Variants in INTS5 observed in about 807,000 individuals in gnomAD.
The protein encoded by INTS5 is KIAA1698.
A neutral mutation model predicts 60.0 loss-of-function variants in INTS5; 29 were observed. The ratio of observed to expected loss-of-function variants is 0.48; its 90% CI spans 0.36 to 0.66. The LOEUF is 0.66. Ranked by LOEUF, INTS5 falls within the 30% of genes least tolerant of loss-of-function variation. INTS5 has a pLI of 0.00. For synonymous variants in INTS5, 588 were observed against 558.8 expected, an observed-to-expected ratio of 1.05 and a Z score of -0.74; for missense variants, 1,129 against 1,307.9, an observed-to-expected ratio of 0.86 and a Z score of 2.11.
At chr11:62,652,087 A>C (rs1417793125) in intron 1 of INTS5, among the ~76,000 whole-genome samples, 1 of 151,422 alleles carries the variant, frequency 6.6e-6, no homozygotes, top group Non-Finnish European at 1.5e-5. Flanking sequence ...TGGGAGGCCA[A>C]GGAGGGTGGA....
Position 62,649,100 on chromosome 11 carries a change from C to T in INTS5, c.980G>A (p.Gly327Asp). The T allele has an allele frequency of 6.2e-7, 1 of 1,610,406 alleles. No homozygotes were observed. Among genetic ancestry groups the T allele is most frequent in the Non-Finnish European group, 8.5e-7 (1 of 1,177,104 alleles). ...FHDSLAGGSG[G>D]RSGDPSLQAT... is the part of the protein sequence containing the mutation. ...CTGAAGGGAGGGGTCCCCACTGCGG[C>T]CTCCAGATCCCCCTGCCAGGCTATC... The change falls in exon 2 of 2, where the codon GGC (glycine) becomes GAC (aspartate). Residue 327 changes from glycine (G) to aspartate (D), a missense_variant. Coordinates refer to ENST00000330574, the MANE Select transcript of INTS5 (RefSeq NM_030628.2). The surrounding 1 kb of genome is among the most constrained non-coding windows in gnomAD (Gnocchi z 6.0).
rs1447854338 is a variant in INTS5 at position 62,647,182 on chromosome 11, C to T, written c.2898G>A (p.Arg966=). Residue 966 remains arginine (R), a synonymous_variant, in exon 2 of 2, where the codon CGG becomes CGA. Coordinates refer to ENST00000330574, the MANE Select transcript of INTS5 (RefSeq NM_030628.2). ...TGGAGAAGTCCCGAATGAAGCGACC[C>T]CGCTCTGATTGGAAGATGAACTTCT... ...LPQKFIFQSE[R]GRFIRDFSRE... is the part of the protein sequence containing the mutation. 6.2e-7 allele frequency: 1 copy of T among 1,614,220 alleles called. No individual in the cohort carries two copies. The highest frequency in any genetic ancestry group is 1.7e-5 in the Admixed American group (1 of 60,020).
At position 62,649,342 on chromosome 11, in the gene INTS5, G is replaced by T. The variant is rs777361799; in HGVS notation, c.738C>A (p.Gly246=). ...GTIISRVLSC[G]LKDFCVHGGA... is the part of the protein sequence containing the mutation. ...CACCATGGACACAAAAGTCCTTAAG[G>T]CCACAGGAGAGAACCCGGGAAATGA... The change falls in exon 2 of 2, where the codon GGC becomes GGA. Residue 246 remains glycine (G), a synonymous_variant. Coordinates refer to ENST00000330574, the MANE Select transcript of INTS5 (RefSeq NM_030628.2). The surrounding 1 kb of genome is among the most constrained non-coding windows in gnomAD (Gnocchi z 6.0). 2 of 1,614,128 alleles carry T rather than the reference G, an allele frequency of 1.2e-6. No individual in the cohort carries two copies. Among genetic ancestry groups the T allele is most frequent in the South Asian group, 1.1e-5 (1 of 91,082 alleles).
chr11:62,648,900 G>A lies in INTS5; in HGVS notation c.1180C>T (p.Leu394=). Residue 394 remains leucine, a synonymous_variant, in exon 2 of 2, where the codon CTG becomes TTG. Transcript: ENST00000330574. This position sits in a 1 kb window ranked among gnomAD's most constrained non-coding sequence, Gnocchi z 4.4. The part of the protein sequence containing the change: ...LDNMLNLAVH[L]VSQASGAGAY... ...CCTGCCCCAGAGGCCTGGCTCACCA[G>A]GTGCACAGCCAGGTTCAACATGTTG... 1 of 1,613,702 alleles carries A rather than the reference G, an allele frequency of 6.2e-7. No individual in the cohort carries two copies. The highest frequency in any genetic ancestry group is 8.5e-7 in the Non-Finnish European group (1 of 1,179,888).
intron 1 of INTS5, among the ~76,000 whole-genome samples, chr11:62,650,266 G>A (rs1289781353): frequency 9.2e-5 from 14 of 151,674 alleles, no homozygotes; most frequent in African/African-American, 3.4e-4. Flanking sequence ...ACAGGCACCC[G>A]CCACCATGCC....
rs1944525162 is a variant in INTS5, at chr11:62,647,179, A to T, written c.2901T>A (p.Gly967=). The change falls in exon 2 of 2, where the codon GGT becomes GGA. Residue 967 remains glycine (G), a synonymous_variant. Coordinates refer to ENST00000330574, the MANE Select transcript of INTS5 (RefSeq NM_030628.2). ...PQKFIFQSER[G]RFIRDFSREG... is the part of the protein sequence containing the mutation. ...CCCTGGAGAAGTCCCGAATGAAGCG[A>T]CCCCGCTCTGATTGGAAGATGAACT... 1.2e-6 allele frequency: 2 copies of T among 1,613,748 alleles called. No individual in the cohort carries two copies. Among genetic ancestry groups the T allele is most frequent in the Admixed American group, 1.7e-5 (1 of 59,960 alleles).
intron 1 of INTS5, among the ~76,000 whole-genome samples, chr11:62,652,920 T>C (rs555588882): frequency 1.3e-5 from 2 of 152,254 alleles, no homozygotes; most frequent in African/African-American, 2.4e-5. Flanking sequence ...CCCCCGACTC[T>C]TGGGAGAGGA....
Position 62,649,676 on chromosome 11 carries a change from G to A in INTS5, c.404C>T (p.Ala135Val). 6.2e-7 allele frequency: 1 copy of A among 1,614,194 alleles called. No homozygotes were observed. The highest frequency in any genetic ancestry group is 8.5e-7 in the Non-Finnish European group (1 of 1,180,036). The change falls in exon 2 of 2, where the codon GCC (alanine) becomes GTC (valine). Residue 135 changes from alanine to valine, a missense_variant. By Grantham distance (64) the Ala-to-Val change is moderately conservative. Transcript: ENST00000330574. This position sits in a 1 kb window ranked among gnomAD's most constrained non-coding sequence, Gnocchi z 6.0. Reference protein sequence around the residue: ...VQQVLSEFIRANPKAWAPVIS... With the variant: ...VQQVLSEFIRVNPKAWAPVIS... ...CACAGGTGCCCAGGCCTTTGGGTTG[G>A]CCCGGATAAACTCAGACAGCACCTG... is the stretch of plus-strand genomic sequence containing the variant.
At chr11:62,651,141 C>T (rs971891736) in intron 1 of INTS5, among the ~76,000 whole-genome samples, 1 of 151,970 alleles carries the variant, frequency 6.6e-6, no homozygotes, top group South Asian at 2.1e-4. Flanking sequence ...GAGGGAGTCT[C>T]GCTCTGCCGC....
chr11:62,647,462 T>C lies in INTS5; in HGVS notation c.2618A>G (p.Tyr873Cys). The stretch of plus-strand genomic sequence containing the variant: ...CAGCCCCCGAAGCAGCACGGAACAG[T>C]AGCACAGGGCTGGGGGTGCAGCTGC... ...LVAAAPPALCYCSVLLRGLLA... is the reference protein window; with the variant it reads ...LVAAAPPALCCCSVLLRGLLA... The change falls in exon 2 of 2, where the codon TAC (tyrosine) becomes TGC (cysteine). Residue 873 changes from tyrosine (Y) to cysteine (C), a missense_variant. By Grantham distance (194) the Tyr-to-Cys change is radical (BLOSUM62 -2). Around this residue, in one of 3 missense-constraint regions of INTS5, gnomAD observed 1,070 missense variants for 1,246.1 expected, o/e 0.86. Transcript: ENST00000330574. 2 of 1,606,324 alleles carry C rather than the reference T, an allele frequency of 1.2e-6. No individual in the cohort carries two copies. The highest frequency in any genetic ancestry group is 1.7e-6 in the Non-Finnish European group (2 of 1,175,202).
Position 62,647,293 on chromosome 11 carries a change from T to G in INTS5, c.2787A>C (p.Glu929Asp). Residue 929 changes from glutamate to aspartate, a missense_variant, in exon 2 of 2, where the codon GAA becomes GAC. Coordinates refer to ENST00000330574, the MANE Select transcript of INTS5 (RefSeq NM_030628.2). ...CGAAAGGTGCCAGTTGGCTAAATAC[T>G]TCATGCATATTACCCAGGGCCGGAG... ...LLPPALGNMH[E>D]VFSQLAPFEV... The G allele has an allele frequency of 6.2e-7, 1 of 1,614,202 alleles. No homozygotes were observed. The highest frequency in any genetic ancestry group is 8.5e-7 in the Non-Finnish European group (1 of 1,180,048).
In INTS5 at chr11:62,647,900, G is replaced by T. The variant is rs1454678636; in HGVS notation, c.2180C>A (p.Ser727Tyr). 1.2e-6 allele frequency: 2 copies of T among 1,614,118 alleles called. No homozygotes were observed. Among genetic ancestry groups the T allele is most frequent in the Non-Finnish European group, 1.7e-6 (2 of 1,180,046 alleles). Reference protein sequence around the residue: ...SVVSASLASASLLDTNRRHTA... With the variant: ...SVVSASLASAYLLDTNRRHTA... ...GTGCCTCCGGTTAGTGTCCAACAGGGAGGCAGAAGCCAAAGAAGCTGAAAC... is the reference window on the plus strand; with the variant it reads ...GTGCCTCCGGTTAGTGTCCAACAGGTAGGCAGAAGCCAAAGAAGCTGAAAC... Residue 727 changes from serine (S) to tyrosine (Y), a missense_variant, in exon 2 of 2, where the codon TCC becomes TAC. This residue lies in a region of INTS5 where 1,070 missense variants were observed against 1,246.1 expected (regional missense o/e 0.86). Transcript: ENST00000330574.
chr11:62,652,124 A>G (rs1286590365), intron 1 of INTS5, among the ~76,000 whole-genome samples: 1 of 150,132 alleles, frequency 6.7e-6, no homozygotes, highest in African/African-American at 2.5e-5. Context: ...GATCGAAACC[A>G]GCCTGGCCAA....
chr11:62,648,319 C>T lies in INTS5; in HGVS notation c.1761G>A (p.Gln587=). Residue 587 remains glutamine, a synonymous_variant, in exon 2 of 2, where the codon CAG becomes CAA. Coordinates refer to ENST00000330574, the MANE Select transcript of INTS5 (RefSeq NM_030628.2). This position sits in a 1 kb window ranked among gnomAD's most constrained non-coding sequence, Gnocchi z 4.4. The part of the protein sequence containing the change: ...NLALLVGWEQ[Q]GGEGPAALGA... ...CTAGGGCTGCAGGGCCCTCGCCACCCTGCTGTTCCCACCCTACTAGCAGTG... is the reference window on the plus strand; with the variant it reads ...CTAGGGCTGCAGGGCCCTCGCCACCTTGCTGTTCCCACCCTACTAGCAGTG... The T allele has an allele frequency of 6.2e-7, 1 of 1,613,968 alleles. No homozygotes were observed.
In INTS5 at chr11:62,647,097, T is replaced by C. The variant is rs1367105067; in HGVS notation, c.2983A>G (p.Asn995Asp). The part of the protein sequence containing the change: ...LAVLHSVLHR[N>D]IDRLGLFSGR... ...GAGAAAAGACCTAGGCGGTCGATGT[T>C]GCGGTGGAGGACACTGTGCAGCACA... The change falls in exon 2 of 2, where the codon AAC becomes GAC. Residue 995 changes from asparagine (N) to aspartate (D), a missense_variant. Physicochemically the swap from Asn to Asp is conservative, Grantham distance 23. Around this residue, in one of 3 missense-constraint regions of INTS5, gnomAD observed 1,070 missense variants for 1,246.1 expected, o/e 0.86. Coordinates refer to ENST00000330574, the MANE Select transcript of INTS5 (RefSeq NM_030628.2). 1 of 1,614,096 alleles carries C rather than the reference T, an allele frequency of 6.2e-7. No homozygotes were observed. The highest frequency in any genetic ancestry group is 1.7e-5 in the Admixed American group (1 of 60,014).
chr11:62,648,368 G>T lies in INTS5; in HGVS notation c.1712C>A (p.Thr571Lys). The T allele has an allele frequency of 6.2e-7, 1 of 1,614,072 alleles. No individual in the cohort carries two copies. Among genetic ancestry groups the T allele is most frequent in the Non-Finnish European group, 8.5e-7 (1 of 1,179,998 alleles). ...TGCCAAGTTGCGCAGGAACCGGGCC[G>T]TGAAGGGAGGCTGTAATGTCCCTGC... is the stretch of plus-strand genomic sequence containing the variant. ...VHAGTLQPPF[T>K]ARFLRNLALL... The change falls in exon 2 of 2, where the codon ACG becomes AAG. Residue 571 changes from threonine (T) to lysine (K), a missense_variant. Thr to Lys is a moderately conservative substitution (Grantham distance 78). Transcript: ENST00000330574. The surrounding 1 kb of genome is among the most constrained non-coding windows in gnomAD (Gnocchi z 4.4).
At chr11:62,652,642 C>G (rs541566769) in intron 1 of INTS5, among the ~76,000 whole-genome samples, 3 of 152,264 alleles carry the variant, frequency 2.0e-5, no homozygotes, top group African/African-American at 7.2e-5. Context: ...CTCAGAGGTT[C>G]AGAAGCCAAT....
intron 1 of INTS5, 78 bp from the exon 2 acceptor site, chr11:62,650,077 CT>C (rs1944582181): frequency 2.6e-6 from 3 of 1,169,376 alleles, no homozygotes; most frequent in Admixed American, 2.4e-5. Context: ...TGAGCTTTGC[CT>C]TTTATGTTAA....
Position 62,647,484 on chromosome 11 carries a change from C to A in INTS5, c.2596G>T (p.Ala866Ser). The change falls in exon 2 of 2, where the codon GCT (alanine) becomes TCT (serine). Residue 866 changes from alanine (A) to serine (S), a missense_variant. Ala to Ser is a moderately conservative substitution (Grantham distance 99). This residue lies in a region of INTS5 where 1,070 missense variants were observed against 1,246.1 expected (regional missense o/e 0.86). Coordinates refer to ENST00000330574, the MANE Select transcript of INTS5 (RefSeq NM_030628.2). ...LLFELLKLVA[A>S]APPALCYCSV... ...CAGTAGCACAGGGCTGGGGGTGCAGCTGCTACCAGCTTTAACAGCTCAAAG... is the reference window on the plus strand; with the variant it reads ...CAGTAGCACAGGGCTGGGGGTGCAGATGCTACCAGCTTTAACAGCTCAAAG... 6.2e-7 allele frequency: 1 copy of A among 1,604,714 alleles called. No individual in the cohort carries two copies. The highest frequency in any genetic ancestry group is 8.5e-7 in the Non-Finnish European group (1 of 1,174,214).
Sources: gnomAD v4.1 joint callset for allele counts (sites outside exome capture counted in the v4.1 genomes callset) on GRCh38, gnomAD v4.1.1 for gene constraint, gnomAD v4.1.1 regional missense constraint, Gnocchi (gnomAD v3.1) non-coding constraint, MANE v1.5 for transcripts, NCBI Gene and HGNC (gene_info 2026-07-23, HGNC 2026-07-21) for gene names.